The following HIVEP3 variants were observed in gnomAD, a reference collection of about 807,000 sequenced individuals.
HIVEP3 encodes the protein transcription factor HIVEP3.
In HIVEP3, 49 loss-of-function variants were observed where a neutral mutation model predicts 152.8. The observed-to-expected ratio is 0.32, with a 90% CI of 0.26 to 0.41. The LOEUF (loss-of-function observed/expected upper bound fraction) is 0.41. Among genes scored for constraint, HIVEP3 ranks in the 10% least tolerant of loss-of-function variants. The pLI, the probability that HIVEP3 is intolerant of heterozygous loss-of-function variation, is 1.00. For synonymous variants in HIVEP3, 1,269 were observed against 1,289.0 expected, an observed-to-expected ratio of 0.98 and a Z score of 0.33; for missense variants, 2,790 against 3,103.3, an observed-to-expected ratio of 0.90 and a Z score of 2.40.
At chr1:41,646,016 T>C (rs1459984335) in intron 2 of HIVEP3, among the ~76,000 whole-genome samples, 1 of 152,164 alleles carries the variant, frequency 6.6e-6, no homozygotes, top group East Asian at 1.9e-4. Flanking sequence ...GACCTGACCC[T>C]GGTTTTCTAC....
intron 1 of HIVEP3, among the ~76,000 whole-genome samples, chr1:42,002,069 C>T (rs1407207455): frequency 1.3e-5 from 2 of 152,062 alleles, no homozygotes; most frequent in Non-Finnish European, 2.9e-5. Context: ...TGCCAGTTCT[C>T]TTTAGAAACG....
intron 1 of HIVEP3, among the ~76,000 whole-genome samples, chr1:41,936,259 T>C (rs967646085): frequency 1.3e-5 from 2 of 152,096 alleles, no homozygotes; most frequent in African/African-American, 4.8e-5. Context: ...AATCAATCTA[T>C]TCAGATGACT....
chr1:41,912,634 G>C lies in HIVEP3; in HGVS notation c.-801+5779C>G, dbSNP rs75631205. 4.5e-3 allele frequency among the ~76,000 whole-genome samples: 689 copies of C among 152,238 alleles called. 5 individuals are homozygous for C. Among genetic ancestry groups the C allele is most frequent in the African/African-American group, 0.016 (671 of 41,526 alleles). ...ATTTGATACAATCATAATCATAGTG[G>C]GTTTTTTTCTCAAACTTTGAAATCT... is the stretch of plus-strand genomic sequence containing the variant. On this transcript the variant is annotated intron_variant, in intron 1 of 8. Transcript: ENST00000372583.
intron 1 of HIVEP3, among the ~76,000 whole-genome samples, chr1:41,776,148 G>A (rs1201508343): frequency 6.6e-6 from 1 of 152,214 alleles, no homozygotes; most frequent in Non-Finnish European, 1.5e-5. Context: ...AAGGAAAGAG[G>A]CTGCCAAGCA....
intron 4 of HIVEP3, among the ~76,000 whole-genome samples, chr1:41,576,280 G>A (rs774209159): frequency 1.3e-5 from 2 of 152,198 alleles, no homozygotes; most frequent in Non-Finnish European, 2.9e-5. Context: ...CCAGCAGGAC[G>A]TCCCCAATTC....
chr1:42,017,751 A>G (rs142857439), intron 1 of HIVEP3, among the ~76,000 whole-genome samples: 1 of 152,194 alleles, frequency 6.6e-6, no homozygotes, highest in Admixed American at 6.5e-5. Flanking sequence ...TCTGGCAAAT[A>G]TATATACTAC....
chr1:41,686,276 G>A (rs545158916), intron 2 of HIVEP3, among the ~76,000 whole-genome samples: 1 of 152,172 alleles, frequency 6.6e-6, no homozygotes, highest in South Asian at 2.1e-4. Flanking sequence ...GTTTCACCAT[G>A]TTGGCCAGGC....
In HIVEP3 at chr1:41,704,199, G is replaced by A. The variant is rs538470368; in HGVS notation, c.-800-3204C>T. 1.7e-3 allele frequency among the ~76,000 whole-genome samples: 257 copies of A among 152,340 alleles called. 1 individual carries two copies. Among genetic ancestry groups the A allele is most frequent in the African/African-American group, 3.1e-3 (127 of 41,584 alleles). On this transcript the variant is annotated intron_variant, in intron 1 of 8. Coordinates refer to ENST00000372583, the MANE Select transcript of HIVEP3 (RefSeq NM_024503.5). ...GGATCAACAGCAGCTCATCCTATGG[G>A]CCAACTTGTTCTGTGCTAAGCATCG...
chr1:42,014,035 C>A (rs754250751), intron 1 of HIVEP3, among the ~76,000 whole-genome samples: 1 of 152,172 alleles, frequency 6.6e-6, no homozygotes, highest in East Asian at 1.9e-4. Flanking sequence ...TGGCATAATG[C>A]CCCATGTTGG....
At chr1:41,785,945 C>A (rs1649324158) in intron 1 of HIVEP3, among the ~76,000 whole-genome samples, 1 of 152,186 alleles carries the variant, frequency 6.6e-6, no homozygotes, top group Non-Finnish European at 1.5e-5. Context: ...TTGCAGCGAG[C>A]CAAGACCGTG....
intron 1 of HIVEP3, among the ~76,000 whole-genome samples, chr1:41,912,136 T>A (rs189893184): frequency 7.4e-4 from 113 of 152,160 alleles, no homozygotes; most frequent in African/African-American, 2.6e-3. Flanking sequence ...AAGAAAAGCA[T>A]AGGGGAATAA....
chr1:41,869,555 C>T (rs1441043598), intron 1 of HIVEP3: 1 of 152,246 alleles, frequency 6.6e-6, no homozygotes, highest in Non-Finnish European at 1.5e-5. Context: ...ACATTCAACT[C>T]AAAGGTTTCC....
At position 41,513,617 on chromosome 1, in the gene HIVEP3, C is replaced by G; in HGVS notation, c.5604G>C (p.Glu1868Asp). Residue 1868 changes from glutamate (E) to aspartate (D), a missense_variant, in exon 8 of 9, where the codon GAG (glutamate) becomes GAC (aspartate). Glu to Asp is a conservative substitution (Grantham distance 45). Around this residue, in one of 9 missense-constraint regions of HIVEP3, gnomAD observed 816 missense variants for 806.5 expected, o/e 1.01. Transcript: ENST00000372583. ...GTCTGGACAGCTCATCCTGGCTCTC[C>G]TCCTCATCCTCATCCTCGTCTTCGT... Reference protein sequence around the residue: ...DLDEDEDEDEEESQDELSRPS... With the variant: ...DLDEDEDEDEDESQDELSRPS... 1 of 1,613,958 alleles carries G rather than the reference C, an allele frequency of 6.2e-7. No individual in the cohort carries two copies. The highest frequency in any genetic ancestry group is 1.1e-5 in the South Asian group (1 of 91,078).
At chr1:41,937,306 C>A (rs1190511481) in intron 1 of HIVEP3, among the ~76,000 whole-genome samples, 1 of 152,158 alleles carries the variant, frequency 6.6e-6, no homozygotes, top group Non-Finnish European at 1.5e-5. Context: ...TTCTAAACTG[C>A]TGGGCACAAC....
At chr1:41,912,674 T>C (rs1189516739) in intron 1 of HIVEP3, among the ~76,000 whole-genome samples, 1 of 152,310 alleles carries the variant, frequency 6.6e-6, no homozygotes, top group South Asian at 2.1e-4. Flanking sequence ...AATGAGGGCA[T>C]GGAGCAAATG....
At chr1:41,559,420 C>T (rs1644021958) in intron 5 of HIVEP3, among the ~76,000 whole-genome samples, 1 of 152,170 alleles carries the variant, frequency 6.6e-6, no homozygotes, top group Admixed American at 6.5e-5. Context: ...TTCCTATAGC[C>T]GAGGCCACCC....
intron 2 of HIVEP3, among the ~76,000 whole-genome samples, chr1:41,687,937 A>G (rs1646137771): frequency 6.6e-6 from 1 of 152,230 alleles, no homozygotes; most frequent in Non-Finnish European, 1.5e-5. Context: ...TGAAGAAACC[A>G]TTATCTAAGC....
intron 6 of HIVEP3, among the ~76,000 whole-genome samples, chr1:41,519,758 A>G (rs1569696212): frequency 6.6e-6 from 1 of 152,186 alleles, no homozygotes; most frequent in Non-Finnish European, 1.5e-5. Context: ...GAAGAACAGG[A>G]AGAGGATAGA....
intron 1 of HIVEP3, among the ~76,000 whole-genome samples, chr1:41,813,661 G>A (rs1449802334): frequency 6.6e-6 from 1 of 152,220 alleles, no homozygotes; most frequent in Non-Finnish European, 1.5e-5. Context: ...CATCAAGTAG[G>A]AGGGACCATG....
Sources: allele counts gnomAD v4.1 joint callset (sites outside exome capture counted in the v4.1 genomes callset), GRCh38; gene constraint gnomAD v4.1.1; regional missense constraint gnomAD v4.1.1; transcripts MANE v1.5; gene names NCBI Gene and HGNC (gene_info 2026-07-23, HGNC 2026-07-21).